The following MAP2K5 variants were observed in gnomAD, a reference collection of about 807,000 sequenced individuals.
MAP2K5 encodes mitogen-activated protein kinase kinase 5, also known as dual specificity mitogen-activated protein kinase kinase 5.
In MAP2K5, 49 loss-of-function variants were observed where a neutral mutation model predicts 83.1. The observed-to-expected ratio is 0.59, with a 90% CI of 0.47 to 0.75. The LOEUF (loss-of-function observed/expected upper bound fraction) is 0.75, where lower values mean the gene tolerates loss of function less well. Ranked by LOEUF, MAP2K5 falls within the 30% of genes least tolerant of loss-of-function variation. The pLI is 0.00. For synonymous variants in MAP2K5, 202 were observed against 191.8 expected, an observed-to-expected ratio of 1.05 and a Z score of -0.44; for missense variants, 457 against 557.5, an observed-to-expected ratio of 0.82 and a Z score of 1.82.
At chr15:67,680,482 G>A (rs2087792166) in intron 13 of MAP2K5, among the ~76,000 whole-genome samples, 1 of 152,122 alleles carries the variant, frequency 6.6e-6, no homozygotes, top group Non-Finnish European at 1.5e-5. Flanking sequence ...TTCATACTTT[G>A]TTAAAGAGTG....
intron 17 of MAP2K5, among the ~76,000 whole-genome samples, chr15:67,730,047 T>C (rs1254593642): frequency 1.3e-5 from 2 of 152,194 alleles, no homozygotes; most frequent in East Asian, 1.9e-4. Flanking sequence ...TCTGAAATAA[T>C]AGAAGCAGCT....
intron 17 of MAP2K5, among the ~76,000 whole-genome samples, chr15:67,737,138 C>T (rs1566947044): frequency 6.6e-6 from 1 of 152,218 alleles, no homozygotes; most frequent in Non-Finnish European, 1.5e-5. Flanking sequence ...CACATATCCA[C>T]TCAAGTACTG....
intron 13 of MAP2K5, among the ~76,000 whole-genome samples, chr15:67,691,343 A>G (rs1418587455): frequency 6.6e-6 from 1 of 152,228 alleles, no homozygotes; most frequent in Admixed American, 6.5e-5. Flanking sequence ...GTATAAGAAA[A>G]TGCCAAGCAC....
chr15:67,693,435 A>G, intron 14 of MAP2K5, 83 bp from the exon 15 acceptor site: 4 of 1,045,778 alleles, frequency 3.8e-6, no homozygotes, highest in Non-Finnish European at 5.9e-6. Flanking sequence ...ATGAATGATG[A>G]TTGTAGGTTA....
chr15:67,691,908 T>C (rs1057270895), intron 13 of MAP2K5, among the ~76,000 whole-genome samples: 1 of 152,262 alleles, frequency 6.6e-6, no homozygotes, highest in Non-Finnish European at 1.5e-5. Flanking sequence ...ATCTTTTAGA[T>C]AAATTTCTAA....
At chr15:67,765,390 C>T in intron 19 of MAP2K5, among the ~76,000 whole-genome samples, 1 of 152,048 alleles carries the variant, frequency 6.6e-6, no homozygotes, top group East Asian at 1.9e-4. Context: ...AGTACAATAT[C>T]TATACTGTAG....
chr15:67,576,281 G>GT (rs1046761601), intron 3 of MAP2K5, among the ~76,000 whole-genome samples: 6 of 147,024 alleles, frequency 4.1e-5, no homozygotes, highest in Non-Finnish European at 9.1e-5. Flanking sequence ...TGGAACTCAA[G>GT]TTTTTTAAAA....
chr15:67,603,643 G>A (rs1433702084), intron 8 of MAP2K5, among the ~76,000 whole-genome samples: 1 of 152,126 alleles, frequency 6.6e-6, no homozygotes, highest in Non-Finnish European at 1.5e-5. Context: ...GCTTCAGCTT[G>A]TATTATTGTT....
chr15:67,578,169 A>G (rs1356716379), intron 3 of MAP2K5, among the ~76,000 whole-genome samples: 2 of 152,194 alleles, frequency 1.3e-5, no homozygotes, highest in African/African-American at 4.8e-5. Flanking sequence ...CTTGGAGACA[A>G]CAGTTAGTGA....
At chr15:67,641,017 A>G (rs1000665048) in intron 9 of MAP2K5, among the ~76,000 whole-genome samples, 6 of 152,240 alleles carry the variant, frequency 3.9e-5, no homozygotes, top group African/African-American at 7.2e-5. Flanking sequence ...GGTAGTCAAG[A>G]CAATTGCAGA....
Position 67,598,325 on chromosome 15 carries a change from G to C in MAP2K5, c.481-2360G>C, listed in dbSNP as rs566186916. The stretch of plus-strand genomic sequence containing the variant: ...AGGAACACGTTGCTCACTTTTTATA[G>C]ATACTAAGTGACATGGTTCCAGAAC... On this transcript the variant is annotated intron_variant, in intron 7 of 21. Transcript: ENST00000178640. Among the ~76,000 whole-genome samples, 6 of 152,208 alleles carry C rather than the reference G, an allele frequency of 3.9e-5. No homozygotes were observed. In the South Asian group the frequency reaches 1.2e-3, roughly 32 times the overall value.
Position 67,806,661 on chromosome 15 carries a change from G to A in MAP2K5, c.1258G>A (p.Val420Met), listed in dbSNP as rs1043272428. The A allele has an allele frequency of 1.9e-5, 29 of 1,550,982 alleles. No homozygotes were observed. Among genetic ancestry groups the A allele is most frequent in the Admixed American group, 2.0e-5 (1 of 51,034 alleles). The change falls in exon 22 of 22, where the codon GTG (valine) becomes ATG (methionine). Residue 420 changes from valine (V) to methionine (M), a missense_variant. Physicochemically the swap from Val to Met is conservative, Grantham distance 21. Transcript: ENST00000178640. ...TTCCCCGCAGGGCCACCCGTTCATC[G>A]TGCAGTTCAATGATGGAAATGCCGC... ...PEELMGHPFI[V>M]QFNDGNAAVV...
intron 16 of MAP2K5, among the ~76,000 whole-genome samples, chr15:67,714,756 T>G (rs971539874): frequency 2.6e-5 from 4 of 152,328 alleles, no homozygotes; most frequent in African/African-American, 9.6e-5. Flanking sequence ...AAATTCGAAA[T>G]TTTTTGAGCA....
chr15:67,748,135 C>A lies in MAP2K5; in HGVS notation c.1075-96C>A, dbSNP rs2089643959. ...TGTGTTAACACATGCCCACAAATTG[C>A]CACCAGCAATGCAATAATTTTCTCT... On this transcript the variant is annotated intron_variant, in intron 17 of 21. Coordinates refer to ENST00000178640, the MANE Select transcript of MAP2K5 (RefSeq NM_145160.3). This position sits in a 1 kb window ranked among gnomAD's most constrained non-coding sequence, Gnocchi z 4.0. 3 of 822,012 alleles carry A rather than the reference C, an allele frequency of 3.6e-6. No individual in the cohort carries two copies. Among genetic ancestry groups the A allele is most frequent in the African/African-American group, 1.7e-5 (1 of 58,956 alleles). 50.9% of individuals were successfully genotyped at this position (822,012 alleles called of 1,614,324 possible). A position where few individuals can be genotyped will look rare whatever the true frequency, so the allele number is the denominator to read the frequency against.
intron 3 of MAP2K5, among the ~76,000 whole-genome samples, chr15:67,564,839 A>G (rs1039014056): frequency 2.0e-5 from 3 of 152,244 alleles, no homozygotes; most frequent in Non-Finnish European, 4.4e-5. Context: ...ACATCAATAT[A>G]CTTTCATTAT....
intron 19 of MAP2K5, among the ~76,000 whole-genome samples, chr15:67,753,043 A>C (rs1007211470): frequency 1.3e-5 from 2 of 152,222 alleles, no homozygotes; most frequent in African/African-American, 4.8e-5. Context: ...AAACTTATAT[A>C]TGCATAGTCA....
intron 8 of MAP2K5, among the ~76,000 whole-genome samples, chr15:67,629,958 A>G (rs2086428643): frequency 6.6e-6 from 1 of 152,176 alleles, no homozygotes; most frequent in Non-Finnish European, 1.5e-5. Context: ...TTTAAACATA[A>G]AAGGTACGGT....
Position 67,757,732 on chromosome 15 carries a change from C to T in MAP2K5, c.1134+9131C>T, listed in dbSNP as rs563231519. Among the ~76,000 whole-genome samples the T allele has an allele frequency of 3.3e-5, 5 of 152,072 alleles. No individual in the cohort carries two copies. The highest frequency in any genetic ancestry group is 1.9e-4 in the East Asian group (1 of 5,184). ...TACGAGACTTGATGGCCTGGGCTCT[C>T]GGAGGACCACAGTGACTATCATTTT... On this transcript the variant is annotated intron_variant, in intron 19 of 21. Coordinates refer to ENST00000178640, the MANE Select transcript of MAP2K5 (RefSeq NM_145160.3). This position sits in a 1 kb window ranked among gnomAD's most constrained non-coding sequence, Gnocchi z 4.9.
intron 12 of MAP2K5, among the ~76,000 whole-genome samples, chr15:67,661,108 T>TA (rs1246318981): frequency 2.0e-5 from 3 of 152,084 alleles, no homozygotes; most frequent in African/African-American, 7.2e-5. Context: ...ACCTCTGTGA[T>TA]ATGTTATTCA....
Sources: gnomAD v4.1 joint callset for allele counts (sites outside exome capture counted in the v4.1 genomes callset) on GRCh38, gnomAD v4.1.1 for gene constraint, Gnocchi (gnomAD v3.1) non-coding constraint, MANE v1.5 for transcripts, NCBI Gene and HGNC (gene_info 2026-07-23, HGNC 2026-07-21) for gene names.